Variants in GNG7 observed in about 807,000 individuals in gnomAD.
GNG7 encodes the protein G protein subunit gamma 7, also known as guanine nucleotide-binding protein G(I)/G(S)/G(O) subunit gamma-7.
In GNG7, 1 loss-of-function variant was observed where a neutral mutation model predicts 4.0. The ratio of observed to expected loss-of-function variants is 0.25; its 90% CI spans 0.09 to 1.18. The LOEUF (loss-of-function observed/expected upper bound fraction) is 1.18, where lower values mean the gene tolerates loss of function less well. GNG7 is among the 50% of genes most tolerant of loss of function. GNG7 has a pLI of 0.50. For missense variants in GNG7, 86 were observed against 91.9 expected, an observed-to-expected ratio of 0.94 and a Z score of 0.26; for synonymous variants, 34 against 36.9, an observed-to-expected ratio of 0.92 and a Z score of 0.29.
intron 3 of GNG7, among the ~76,000 whole-genome samples, chr19:2,553,685 T>G (rs1174253010): frequency 3.5e-5 from 5 of 142,810 alleles, no homozygotes; most frequent in Non-Finnish European, 7.7e-5. Flanking sequence ...ATATGTTATA[T>G]TACACACATG....
At chr19:2,679,340 C>G (rs1446081153) in intron 1 of GNG7, among the ~76,000 whole-genome samples, 1 of 152,084 alleles carries the variant, frequency 6.6e-6, no homozygotes, top group East Asian at 1.9e-4. Flanking sequence ...TGTGAGCCAC[C>G]ACACCCAGCC....
Position 2,655,188 on chromosome 19 carries a change from CA to C in GNG7, c.-134-8909del, listed in dbSNP as rs57555514. Among the ~76,000 whole-genome samples, 394 of 59,942 alleles carry C rather than the reference CA, an allele frequency of 6.6e-3. 3 individuals carry two copies. Among genetic ancestry groups the C allele is most frequent in the Admixed American group, 0.033 (176 of 5,298 alleles). 39.3% of individuals were successfully genotyped at this position (59,942 alleles called of 152,430 possible). ...TGGGTGACAGAGCAAGACTCTGTCT[CA>C]AAAAAAAAAAAAAAAACCACACACA... On this transcript the variant is annotated intron_variant, in intron 1 of 4. Transcript: ENST00000382159.
chr19:2,611,672 AC>A lies in GNG7; in HGVS notation c.-78+34551del, dbSNP rs1195446770. ...GCCAAGAGAGCAACACCAGGTCTCT[AC>A]AAAAAATTAAAAATTAGCCGGGCAT... On this transcript the variant is annotated intron_variant, in intron 2 of 4. Transcript: ENST00000382159. The surrounding 1 kb of genome is among the most constrained non-coding windows in gnomAD (Gnocchi z 6.0). 2 of 149,480 alleles carry A rather than the reference AC, an allele frequency of 1.3e-5. No homozygotes were observed. The highest frequency in any genetic ancestry group is 1.9e-4 in the East Asian group (1 of 5,138). 9.3% of individuals were successfully genotyped at this position (149,480 alleles called of 1,614,324 possible).
chr19:2,621,556 G>T (rs1449139521), intron 2 of GNG7, among the ~76,000 whole-genome samples: 2 of 151,632 alleles, frequency 1.3e-5, no homozygotes, highest in Non-Finnish European at 2.9e-5. Flanking sequence ...AGTTAGCCGG[G>T]CGTGTTGGTG....
intron 1 of GNG7, among the ~76,000 whole-genome samples, chr19:2,664,669 C>T (rs576917588): frequency 4.7e-4 from 71 of 152,350 alleles, no homozygotes; most frequent in African/African-American, 1.7e-3. Flanking sequence ...AGGATGGCCC[C>T]GGCTGACACC....
rs567097471 is a variant in GNG7, at chr19:2,544,712, G to C, written c.-38+10437C>G. Among the ~76,000 whole-genome samples the C allele has an allele frequency of 2.0e-5, 3 of 152,170 alleles. No homozygotes were observed. In the South Asian group the frequency reaches 6.2e-4, roughly 32 times the overall value. Reference sequence around the variant, plus strand: ...GGCCAACAGTGGCTCTTAATTGGGGGGGTGGGTGATTCAGCCCCGCCAGGA... The same window carrying C: ...GGCCAACAGTGGCTCTTAATTGGGGCGGTGGGTGATTCAGCCCCGCCAGGA... On this transcript the variant is annotated intron_variant, in intron 3 of 4. Transcript: ENST00000382159.
At chr19:2,620,877 G>A (rs1253163205) in intron 2 of GNG7, among the ~76,000 whole-genome samples, 1 of 152,180 alleles carries the variant, frequency 6.6e-6, no homozygotes, top group Non-Finnish European at 1.5e-5. Flanking sequence ...AATGCTGGCT[G>A]CCTTTGAGGC....
At chr19:2,568,278 G>A in intron 2 of GNG7, among the ~76,000 whole-genome samples, 1 of 133,814 alleles carries the variant, frequency 7.5e-6, no homozygotes, top group Admixed American at 8.0e-5. Flanking sequence ...GACACATATA[G>A]ACTTACACAC....
At position 2,512,534 on chromosome 19, in the gene GNG7, G is replaced by T; in HGVS notation, c.*2488C>A. On this transcript the variant is annotated 3_prime_UTR_variant, in exon 5 of 5. Transcript: ENST00000382159. The surrounding 1 kb of genome is among the most constrained non-coding windows in gnomAD (Gnocchi z 4.7). ...CTGTCCTTCCCCTCCCCGAGCCTCA[G>T]TTTACCTGGAACGCTCAGCCCGTTT... The T allele has an allele frequency of 4.2e-6, 1 of 237,990 alleles. No homozygotes were observed. The highest frequency in any genetic ancestry group is 6.8e-6 in the Non-Finnish European group (1 of 146,464). The allele number at this position is 237,990 out of a possible 1,614,324, so 14.7% of individuals were successfully genotyped here. A position where few individuals can be genotyped will look rare whatever the true frequency, so the allele number is the denominator to read the frequency against.
intron 2 of GNG7, among the ~76,000 whole-genome samples, chr19:2,604,130 G>A (rs1005666929): frequency 6.6e-5 from 10 of 151,760 alleles, no homozygotes; most frequent in African/African-American, 1.9e-4. Context: ...GATTACAGGC[G>A]TGAGCCACCG....
At chr19:2,560,199 G>A (rs767367504) in intron 2 of GNG7, among the ~76,000 whole-genome samples, 24 of 152,086 alleles carry the variant, frequency 1.6e-4, no homozygotes, top group South Asian at 4.2e-4. Context: ...ACACCAAGCC[G>A]GCGAATTCGC....
intron 2 of GNG7, among the ~76,000 whole-genome samples, chr19:2,638,463 AAG>A (rs1982383793): frequency 4.0e-5 from 1 of 25,310 alleles, no homozygotes; most frequent in African/African-American, 1.7e-4. Flanking sequence ...GGGGGAGGGA[AAG>A]GGGAGGGGAA....
chr19:2,528,240 C>CG (rs1858508052), intron 3 of GNG7, among the ~76,000 whole-genome samples: 6 of 135,428 alleles, frequency 4.4e-5, no homozygotes, highest in Admixed American at 4.0e-4. Context: ...CACTGCACTC[C>CG]GGCCTGGGTG....
chr19:2,700,096 A>G (rs1210691343), intron 1 of GNG7, among the ~76,000 whole-genome samples: 1 of 151,346 alleles, frequency 6.6e-6, no homozygotes. Context: ...TAATAATAAC[A>G]ATAATAATAA....
chr19:2,549,553 T>G (rs1599384733), intron 3 of GNG7, among the ~76,000 whole-genome samples: 1 of 152,192 alleles, frequency 6.6e-6, no homozygotes, highest in East Asian at 1.9e-4. Context: ...CCTCCCAAAG[T>G]GCTGGGATGA....
intron 1 of GNG7, among the ~76,000 whole-genome samples, chr19:2,669,404 C>T (rs1983393484): frequency 6.6e-6 from 1 of 152,052 alleles, no homozygotes; most frequent in African/African-American, 2.4e-5. Context: ...GCAAGAGAAT[C>T]GCTTGAACCC....
At chr19:2,548,485 A>G (rs1979202521) in intron 3 of GNG7, among the ~76,000 whole-genome samples, 1 of 145,438 alleles carries the variant, frequency 6.9e-6, no homozygotes, top group East Asian at 2.0e-4. Flanking sequence ...TGTCTGGAAA[A>G]AAAAAAAAAA....
chr19:2,569,719 C>T (rs1980088473), intron 2 of GNG7, among the ~76,000 whole-genome samples: 1 of 152,178 alleles, frequency 6.6e-6, no homozygotes, highest in Non-Finnish European at 1.5e-5. Context: ...GGGTGCTGAG[C>T]AGCGTCCCTG....
intron 2 of GNG7, chr19:2,643,593 C>T: frequency 2.3e-6 from 1 of 444,338 alleles, no homozygotes; most frequent in South Asian, 1.6e-5. Context: ...CCTTCCGGCC[C>T]GGCTCCGTCG....
Sources: allele counts gnomAD v4.1 joint callset (sites outside exome capture counted in the v4.1 genomes callset), GRCh38; gene constraint gnomAD v4.1.1; non-coding constraint Gnocchi (gnomAD v3.1); transcripts MANE v1.5; gene names NCBI Gene and HGNC (gene_info 2026-07-23, HGNC 2026-07-21).